The following PLXNA4 variants were observed in gnomAD, a reference collection of about 807,000 sequenced individuals.
PLXNA4 encodes the protein plexin-A4.
Under a neutral mutation model 191.8 loss-of-function variants are expected in PLXNA4, and 44 were observed. That is an observed-to-expected ratio of 0.23 (90% CI 0.18 to 0.29). PLXNA4 has a LOEUF of 0.29. Ranked by LOEUF, PLXNA4 falls within the 10% of genes least tolerant of loss-of-function variation. PLXNA4 has a pLI of 1.00. For synonymous variants in PLXNA4, 1,082 were observed against 1,009.5 expected (o/e 1.07, Z -1.36); for missense variants, 1,800 against 2,488.8 (o/e 0.72, Z 5.89).
chr7:132,232,472 C>T (rs1349657280), intron 5 of PLXNA4, among the ~76,000 whole-genome samples: 3 of 152,182 alleles, frequency 2.0e-5, no homozygotes, highest in Non-Finnish European at 4.4e-5. Flanking sequence ...ACACACCAGA[C>T]CCCTAGAGCT....
intron 3 of PLXNA4, among the ~76,000 whole-genome samples, chr7:132,420,317 G>A (rs1794806078): frequency 6.6e-6 from 1 of 152,168 alleles, no homozygotes; most frequent in African/African-American, 2.4e-5. Flanking sequence ...CTACCCATGG[G>A]ACTGTGATCC....
chr7:132,568,304 G>C (rs1249912743), intron 1 of PLXNA4, among the ~76,000 whole-genome samples: 1 of 152,154 alleles, frequency 6.6e-6, no homozygotes, highest in Non-Finnish European at 1.5e-5. Context: ...CTGTTGCTTA[G>C]TAAGCCCCAA....
At chr7:132,411,627 T>A (rs1213530835) in intron 3 of PLXNA4, among the ~76,000 whole-genome samples, 1 of 152,126 alleles carries the variant, frequency 6.6e-6, no homozygotes, top group Admixed American at 6.5e-5. Context: ...GCCTTCTGAG[T>A]CCAAATTCCC....
chr7:132,595,008 GAT>G (rs1245639582), intron 2 of PLXNA4, among the ~76,000 whole-genome samples: 1 of 18,020 alleles, frequency 5.5e-5, no homozygotes, highest in Non-Finnish European at 2.3e-4. Flanking sequence ...TAGATAGATA[GAT>G]AGATAGATAG....
chr7:132,225,819 A>C (rs747236148), intron 8 of PLXNA4, among the ~76,000 whole-genome samples: 1 of 152,088 alleles, frequency 6.6e-6, no homozygotes, highest in Admixed American at 6.5e-5. Context: ...GGGATGCACC[A>C]CCCCACAACA....
intron 2 of PLXNA4, among the ~76,000 whole-genome samples, chr7:132,636,329 G>A (rs1803605077): frequency 6.6e-6 from 1 of 152,208 alleles, no homozygotes; most frequent in Admixed American, 6.5e-5. Context: ...GCTACCCCAA[G>A]TCAAGGAGGG....
intron 2 of PLXNA4, among the ~76,000 whole-genome samples, chr7:132,603,281 A>C (rs1273200885): frequency 1.5e-4 from 11 of 74,668 alleles, no homozygotes; most frequent in Non-Finnish European, 4.1e-4. Context: ...TGCAGAGATT[A>C]AGGTGGAATT....
chr7:132,310,021 TGA>T (rs1801668024), intron 3 of PLXNA4, among the ~76,000 whole-genome samples: 1 of 152,190 alleles, frequency 6.6e-6, no homozygotes, highest in African/African-American at 2.4e-5. Context: ...GTGACAGCCA[TGA>T]GTGTGTCAAC....
intron 3 of PLXNA4, among the ~76,000 whole-genome samples, chr7:132,415,872 C>T (rs925575202): frequency 1.3e-5 from 2 of 152,072 alleles, no homozygotes; most frequent in Non-Finnish European, 2.9e-5. Context: ...ACTACAGATA[C>T]CAAATTTAAC....
intron 3 of PLXNA4, among the ~76,000 whole-genome samples, chr7:132,458,238 T>C (rs1219307371): frequency 6.6e-6 from 1 of 151,922 alleles, no homozygotes; most frequent in Admixed American, 6.6e-5. Context: ...TTCTTTAGAA[T>C]TATCTAGTAT....
intron 3 of PLXNA4, among the ~76,000 whole-genome samples, chr7:132,360,512 G>A (rs17166386): frequency 0.15 from 23,340 of 152,122 alleles, 2,103 homozygotes; most frequent in East Asian, 0.39. Context: ...GGACTATGGG[G>A]TTACCAAAAA....
intron 12 of PLXNA4, among the ~76,000 whole-genome samples, chr7:132,200,897 G>T (rs374761506): frequency 6.6e-6 from 1 of 152,208 alleles, no homozygotes; most frequent in African/African-American, 2.4e-5. Flanking sequence ...GTCTGGAAGA[G>T]AATAATAACC....
At chr7:132,293,268 A>G (rs1418953942) in intron 4 of PLXNA4, among the ~76,000 whole-genome samples, 2 of 152,178 alleles carry the variant, frequency 1.3e-5, no homozygotes, top group African/African-American at 4.8e-5. Context: ...AAAAAAACAT[A>G]CCTGAGACTG....
At chr7:132,375,746 T>C (rs2116919131) in intron 3 of PLXNA4, among the ~76,000 whole-genome samples, 1 of 152,084 alleles carries the variant, frequency 6.6e-6, no homozygotes, top group Middle Eastern at 3.4e-3. Context: ...GCAGTCAAAA[T>C]GGTGGGGAAG....
At chr7:132,632,382 T>C (rs1425368948) in intron 2 of PLXNA4, among the ~76,000 whole-genome samples, 1 of 152,154 alleles carries the variant, frequency 6.6e-6, no homozygotes, top group Non-Finnish European at 1.5e-5. Flanking sequence ...ACACATTAAC[T>C]CATTTGATCC....
At chr7:132,366,215 T>C in intron 3 of PLXNA4, 1 of 152,228 alleles carries the variant, frequency 6.6e-6, no homozygotes, top group Non-Finnish European at 1.5e-5. Context: ...TTCTGAGTCT[T>C]GATTTTCCTA....
At chr7:132,557,202 C>T (rs909771871) in intron 1 of PLXNA4, among the ~76,000 whole-genome samples, 1 of 152,154 alleles carries the variant, frequency 6.6e-6, no homozygotes, top group Non-Finnish European at 1.5e-5. Flanking sequence ...TGATCAGTCA[C>T]AAAATTAGAT....
At chr7:132,418,171 C>A (rs942030225) in intron 3 of PLXNA4, among the ~76,000 whole-genome samples, 13 of 152,104 alleles carry the variant, frequency 8.5e-5, no homozygotes, top group African/African-American at 3.1e-4. Context: ...TATGTTTTAT[C>A]TTATTTTTTA....
intron 3 of PLXNA4, among the ~76,000 whole-genome samples, chr7:132,451,747 G>T (rs1796130050): frequency 6.6e-6 from 1 of 152,208 alleles, no homozygotes; most frequent in Non-Finnish European, 1.5e-5. Context: ...AGAGAAGGCA[G>T]TGCCGGCCCC....
Sources: gnomAD v4.1 joint callset for allele counts (sites outside exome capture counted in the v4.1 genomes callset) on GRCh38, gnomAD v4.1.1 for gene constraint, MANE v1.5 for transcripts, NCBI Gene and HGNC (gene_info 2026-07-23, HGNC 2026-07-21) for gene names.